Variants in LMX1A observed in about 807,000 individuals in gnomAD.
The protein encoded by LMX1A is LIM homeobox transcription factor 1-alpha.
LMX1A carries 15 observed loss-of-function variants against 49.1 expected under a neutral mutation model. That is an observed-to-expected ratio of 0.31 (90% CI 0.20 to 0.47). The LOEUF (loss-of-function observed/expected upper bound fraction) is 0.47. Among genes scored for constraint, LMX1A ranks in the 20% least tolerant of loss-of-function variants. The pLI, the probability that LMX1A is intolerant of heterozygous loss-of-function variation, is 1.00. For missense variants in LMX1A, 372 were observed against 475.8 expected (o/e 0.78, Z 2.03); for synonymous variants, 167 against 185.7 (o/e 0.90, Z 0.82).
intron 4 of LMX1A, among the ~76,000 whole-genome samples, chr1:165,246,115 T>G (rs1652841353): frequency 6.6e-6 from 1 of 152,188 alleles, no homozygotes; most frequent in African/African-American, 2.4e-5. Flanking sequence ...CTGTTAACAA[T>G]GAGATGGACT....
intron 3 of LMX1A, among the ~76,000 whole-genome samples, chr1:165,333,741 T>C (rs1174398428): frequency 6.6e-6 from 1 of 151,954 alleles, no homozygotes; most frequent in African/African-American, 2.4e-5. Flanking sequence ...CACACACACA[T>C]GCATACACAC....
At chr1:165,294,193 G>C (rs951393768) in intron 3 of LMX1A, among the ~76,000 whole-genome samples, 16 of 152,206 alleles carry the variant, frequency 1.1e-4, no homozygotes, top group Non-Finnish European at 1.8e-4. Context: ...CCCTGCACGG[G>C]AAGTGACCAT....
chr1:165,218,442 G>C (rs992838846), intron 4 of LMX1A: 8 of 152,358 alleles, frequency 5.3e-5, no homozygotes, highest in Admixed American at 1.3e-4. Flanking sequence ...CAAGCCAGCT[G>C]CCAACAGGAA....
At chr1:165,345,700 A>C (rs1244827078) in intron 3 of LMX1A, among the ~76,000 whole-genome samples, 1 of 152,138 alleles carries the variant, frequency 6.6e-6, no homozygotes, top group Non-Finnish European at 1.5e-5. Flanking sequence ...GCCCCACCCA[A>C]CTGAGTGGTC....
At chr1:165,228,705 A>G (rs1652131682) in intron 4 of LMX1A, among the ~76,000 whole-genome samples, 1 of 152,210 alleles carries the variant, frequency 6.6e-6, no homozygotes, top group Admixed American at 6.5e-5. Flanking sequence ...GTTAGGTAAT[A>G]AGACATGGCA....
chr1:165,217,561 C>A (rs892687460), intron 4 of LMX1A, among the ~76,000 whole-genome samples: 2 of 152,188 alleles, frequency 1.3e-5, no homozygotes, highest in African/African-American at 4.8e-5. Context: ...GGGATTGGTT[C>A]CAGGACCCCT....
chr1:165,273,580 A>T (rs1291938017), intron 3 of LMX1A, among the ~76,000 whole-genome samples: 2 of 152,104 alleles, frequency 1.3e-5, no homozygotes, highest in Non-Finnish European at 2.9e-5. Flanking sequence ...CTTAGATATG[A>T]CTCTTTCCCT....
chr1:165,217,227 T>C (rs1463525376), intron 4 of LMX1A, among the ~76,000 whole-genome samples: 2 of 152,168 alleles, frequency 1.3e-5, no homozygotes, highest in African/African-American at 2.4e-5. Context: ...TTAGAGCTAG[T>C]TGCAGAAGGA....
chr1:165,288,905 G>A (rs1171115772), intron 3 of LMX1A, among the ~76,000 whole-genome samples: 1 of 152,160 alleles, frequency 6.6e-6, no homozygotes, highest in Non-Finnish European at 1.5e-5. Context: ...TAGAGGAAGC[G>A]ATCTCCTCCT....
intron 3 of LMX1A, among the ~76,000 whole-genome samples, chr1:165,329,300 CAT>C (rs1354290107): frequency 6.6e-6 from 1 of 152,170 alleles, no homozygotes; most frequent in East Asian, 1.9e-4. Context: ...TCGCCCTCGA[CAT>C]GTGGGGATTA....
At chr1:165,284,677 T>G (rs1654253146) in intron 3 of LMX1A, among the ~76,000 whole-genome samples, 1 of 152,240 alleles carries the variant, frequency 6.6e-6, no homozygotes, top group Non-Finnish European at 1.5e-5. Context: ...TTAAAGCATT[T>G]GTTTTCAGCA....
At chr1:165,345,981 G>A (rs1473148795) in intron 3 of LMX1A, among the ~76,000 whole-genome samples, 2 of 152,214 alleles carry the variant, frequency 1.3e-5, no homozygotes, top group Admixed American at 6.5e-5. Flanking sequence ...TCTGATGGAT[G>A]GTTGAAAGAG....
At chr1:165,220,192 C>G (rs1441080233) in intron 4 of LMX1A, among the ~76,000 whole-genome samples, 1 of 151,878 alleles carries the variant, frequency 6.6e-6, no homozygotes, top group Non-Finnish European at 1.5e-5. Flanking sequence ...GAACATAAAA[C>G]TGAATTACAG....
intron 4 of LMX1A, among the ~76,000 whole-genome samples, chr1:165,216,316 G>T (rs1433998508): frequency 6.6e-6 from 1 of 152,204 alleles, no homozygotes; most frequent in Non-Finnish European, 1.5e-5. Context: ...GCACAGATTT[G>T]CCCTGGATAG....
chr1:165,254,419 T>A (rs1426841617), intron 3 of LMX1A, among the ~76,000 whole-genome samples: 1 of 151,948 alleles, frequency 6.6e-6, no homozygotes, highest in Non-Finnish European at 1.5e-5. Context: ...TCCTGTTTTT[T>A]TCTTCTCTCC....
intron 4 of LMX1A, among the ~76,000 whole-genome samples, chr1:165,237,498 C>A (rs2102626738): frequency 6.6e-6 from 1 of 152,214 alleles, no homozygotes; most frequent in Non-Finnish European, 1.5e-5. Context: ...ATCTTGAACA[C>A]CATCTGGATC....
intron 4 of LMX1A, among the ~76,000 whole-genome samples, chr1:165,231,327 G>A (rs1414503616): frequency 6.6e-6 from 1 of 151,558 alleles, no homozygotes; most frequent in Admixed American, 6.6e-5. Flanking sequence ...TTTGGAGACA[G>A]GGTCGCAACT....
chr1:165,252,660 A>G (rs906281535), intron 3 of LMX1A, among the ~76,000 whole-genome samples: 5 of 152,240 alleles, frequency 3.3e-5, no homozygotes, highest in Admixed American at 2.6e-4. Context: ...AAGGTCAGAT[A>G]GCGTACAGGA....
chr1:165,268,470 C>T (rs1020706956), intron 3 of LMX1A, among the ~76,000 whole-genome samples: 6 of 152,148 alleles, frequency 3.9e-5, no homozygotes, highest in Non-Finnish European at 7.3e-5. Flanking sequence ...AACGTTGAGG[C>T]CTTAGGAATG....
Sources: allele counts gnomAD v4.1 joint callset (sites outside exome capture counted in the v4.1 genomes callset), GRCh38; gene constraint gnomAD v4.1.1; transcripts MANE v1.5; gene names NCBI Gene and HGNC (gene_info 2026-07-23, HGNC 2026-07-21).